PDS5A: variants seen among roughly 807,000 people sequenced by gnomAD.
PDS5A encodes the protein sister chromatid cohesion protein PDS5 homolog A.
PDS5A carries 42 observed loss-of-function variants against 167.1 expected under a neutral mutation model. The observed-to-expected ratio is 0.25, with a 90% CI of 0.20 to 0.33. The LOEUF (loss-of-function observed/expected upper bound fraction) is 0.33. Among genes scored for constraint, PDS5A ranks in the 10% least tolerant of loss-of-function variants. PDS5A has a pLI of 1.00. For missense variants in PDS5A, 1,033 were observed against 1,605.9 expected (o/e 0.64, Z 6.10); for synonymous variants, 553 against 554.6 (o/e 1.00, Z 0.04).
chr4:39,826,549 G>T (rs915107254), intron 32 of PDS5A, among the ~76,000 whole-genome samples: 3 of 151,212 alleles, frequency 2.0e-5, no homozygotes, highest in African/African-American at 7.3e-5. Context: ...GCAGTGGTGT[G>T]ATCTGGGCTC....
At chr4:39,957,101 T>C (rs1165764733) in intron 2 of PDS5A, among the ~76,000 whole-genome samples, 2 of 152,304 alleles carry the variant, frequency 1.3e-5, no homozygotes, top group Middle Eastern at 3.4e-3. Context: ...GGAATCCACC[T>C]CTACTTATTC....
chr4:39,892,601 T>C (rs1218653198), intron 16 of PDS5A, among the ~76,000 whole-genome samples: 3 of 152,216 alleles, frequency 2.0e-5, no homozygotes, highest in Admixed American at 6.5e-5. Context: ...ATGGAAATAT[T>C]TGTCAGCCTC....
chr4:39,899,601 A>G (rs954232705), intron 14 of PDS5A, among the ~76,000 whole-genome samples: 1 of 152,008 alleles, frequency 6.6e-6, no homozygotes, highest in Non-Finnish European at 1.5e-5. Context: ...AATCCTAGCA[A>G]TTTGGGAGGC....
chr4:39,842,598 GAAT>G (rs1717125310), intron 30 of PDS5A, among the ~76,000 whole-genome samples: 1 of 151,884 alleles, frequency 6.6e-6, no homozygotes. Context: ...TCATGTGTAA[GAAT>G]AATATCTATA....
At chr4:39,886,226 T>C (rs1210761831) in intron 17 of PDS5A, among the ~76,000 whole-genome samples, 1 of 152,218 alleles carries the variant, frequency 6.6e-6, no homozygotes, top group Non-Finnish European at 1.5e-5. Flanking sequence ...TGTAGTTTTG[T>C]AGTATAAAGT....
intron 22 of PDS5A, 90 bp downstream of exon 22, chr4:39,869,304 C>G: frequency 1.2e-6 from 1 of 822,006 alleles, no homozygotes; most frequent in Non-Finnish European, 2.1e-6. Flanking sequence ...GATCCCATCT[C>G]TGTTTATTAA....
chr4:39,910,909 G>A (rs1228929083), intron 9 of PDS5A, among the ~76,000 whole-genome samples: 2 of 152,086 alleles, frequency 1.3e-5, no homozygotes, highest in Non-Finnish European at 2.9e-5. Context: ...GAGGTGGGTG[G>A]ATTGCTTGCA....
intron 9 of PDS5A, among the ~76,000 whole-genome samples, chr4:39,910,984 A>G (rs1002338573): frequency 2.0e-5 from 3 of 151,944 alleles, no homozygotes; most frequent in African/African-American, 4.8e-5. Context: ...AAACACAAAA[A>G]TCAGCCGGGC....
At chr4:39,924,941 A>G (rs746068383) in intron 5 of PDS5A, among the ~76,000 whole-genome samples, 5 of 152,076 alleles carry the variant, frequency 3.3e-5, no homozygotes, top group Non-Finnish European at 5.9e-5. Context: ...GCAAAACTCT[A>G]TCTCTACTAA....
rs1723257052 is a variant in PDS5A at position 39,905,531 on chromosome 4, C to A, written c.1234-1340G>T. 1.3e-5 allele frequency among the ~76,000 whole-genome samples: 2 copies of A among 152,102 alleles called. 1 individual carries two copies. Among genetic ancestry groups the A allele is most frequent in the South Asian group, 4.2e-4 (2 of 4,816 alleles). ...CAAGATTGCGCCACTGCACTCCAGC[C>A]TGGGCGACAGAGTGAGACTCTGTCT... On this transcript the variant is annotated intron_variant, in intron 11 of 32. Coordinates refer to ENST00000303538, the MANE Select transcript of PDS5A (RefSeq NM_001100399.2).
intron 2 of PDS5A, among the ~76,000 whole-genome samples, chr4:39,929,083 T>C (rs943961162): frequency 6.6e-6 from 1 of 152,220 alleles, no homozygotes; most frequent in African/African-American, 2.4e-5. Flanking sequence ...ATTCTTTATG[T>C]ATCAAATCAC....
At chr4:39,974,637 C>T (rs1276514111) in intron 2 of PDS5A, among the ~76,000 whole-genome samples, 2 of 152,056 alleles carry the variant, frequency 1.3e-5, no homozygotes, top group Non-Finnish European at 2.9e-5. Context: ...TTCCGCCTCC[C>T]GGGTTCAAGC....
chr4:39,863,186 A>T (rs1719142538), intron 24 of PDS5A, 113 bp from the exon 25 acceptor site: 1 of 935,592 alleles, frequency 1.1e-6, no homozygotes, highest in Non-Finnish European at 1.6e-6. Flanking sequence ...GGGAGAATAA[A>T]TAATGTAATA....
intron 2 of PDS5A, among the ~76,000 whole-genome samples, chr4:39,959,263 C>T (rs2109803520): frequency 6.6e-6 from 1 of 152,310 alleles, no homozygotes; most frequent in African/African-American, 2.4e-5. Flanking sequence ...ATCACAATGC[C>T]ACTACTTTAG....
intron 2 of PDS5A, among the ~76,000 whole-genome samples, chr4:39,945,458 C>CAAAAAAAAAAA (rs1210256217): frequency 6.0e-5 from 4 of 66,824 alleles, no homozygotes; most frequent in African/African-American, 2.2e-4. Flanking sequence ...GAGACTGCCT[C>CAAAAAAAAAAA]AAAAAAAAAA....
In PDS5A at chr4:39,917,117, A is replaced by C; in HGVS notation, c.807T>G (p.Ile269Met). ...SDLSEHVFDL[I>M]QELFAIDPHL... ...GAGGATCTATAGCAAAAAGTTCCTG[A>C]ATCAGATCAAATACATGTTCTGACA... is the stretch of plus-strand genomic sequence containing the variant. Residue 269 changes from isoleucine (I) to methionine (M), a missense_variant, in exon 8 of 33, where the codon ATT (isoleucine) becomes ATG (methionine). Coordinates refer to ENST00000303538, the MANE Select transcript of PDS5A (RefSeq NM_001100399.2). 6.4e-7 allele frequency: 1 copy of C among 1,562,092 alleles called. No homozygotes were observed. Among genetic ancestry groups the C allele is most frequent in the Non-Finnish European group, 8.7e-7 (1 of 1,154,598 alleles).
intron 2 of PDS5A, among the ~76,000 whole-genome samples, chr4:39,944,914 A>T (rs1727605624): frequency 6.6e-6 from 1 of 152,130 alleles, no homozygotes; most frequent in African/African-American, 2.4e-5. Context: ...TTTACAGCTC[A>T]AACTGTTTCC....
intron 8 of PDS5A, 108 bp downstream of exon 8, chr4:39,916,940 C>A: frequency 1.9e-6 from 1 of 524,520 alleles, no homozygotes. Flanking sequence ...ATGCGGTATA[C>A]ATTTTTCCTG....
At chr4:39,934,776 A>C (rs569009857) in intron 2 of PDS5A, among the ~76,000 whole-genome samples, 1 of 150,654 alleles carries the variant, frequency 6.6e-6, no homozygotes, top group East Asian at 1.9e-4. Flanking sequence ...AGCACTCTAT[A>C]AATATTTTTT....
Sources: allele counts gnomAD v4.1 joint callset (sites outside exome capture counted in the v4.1 genomes callset), GRCh38; gene constraint gnomAD v4.1.1; transcripts MANE v1.5; gene names NCBI Gene and HGNC (gene_info 2026-07-23, HGNC 2026-07-21).